The following DLGAP4 variants were observed in gnomAD, a reference collection of about 807,000 sequenced individuals.
DLGAP4 encodes the protein disks large-associated protein 4.
A neutral mutation model predicts 86.9 loss-of-function variants in DLGAP4; 18 were observed. The ratio of observed to expected loss-of-function variants is 0.21; its 90% CI spans 0.14 to 0.31. The LOEUF is 0.31. DLGAP4 is among the 10% of genes least tolerant of loss of function. The pLI is 1.00. For missense variants in DLGAP4, 1,085 were observed against 1,362.6 expected (o/e 0.80, Z 3.21); for synonymous variants, 548 against 574.3 (o/e 0.95, Z 0.65).
chr20:36,364,722 G>A lies in DLGAP4; in HGVS notation c.-303-2323G>A, dbSNP rs190917502. Among the ~76,000 whole-genome samples, 3 of 152,284 alleles carry A rather than the reference G, an allele frequency of 2.0e-5. No individual in the cohort carries two copies. The East Asian group carries it at 5.8e-4, about 29-fold the overall frequency. ...GCATCACATTTCAAAGTTCATCCAT[G>A]TTGGAAGCTGCAGAATCTTCAACAG... is the stretch of plus-strand genomic sequence containing the variant. On this transcript the variant is annotated intron_variant, in intron 1 of 12. Transcript: ENST00000339266.
intron 5 of DLGAP4, 93 bp from the exon 6 acceptor site, chr20:36,442,634 G>A: frequency 7.0e-7 from 1 of 1,432,244 alleles, no homozygotes. Flanking sequence ...GGTTAGACCA[G>A]CCAGCTTCAA....
chr20:36,391,158 A>G (rs989678375), intron 2 of DLGAP4, among the ~76,000 whole-genome samples: 5 of 152,170 alleles, frequency 3.3e-5, no homozygotes, highest in African/African-American at 9.6e-5. Flanking sequence ...TATCTCAGAG[A>G]CTGCCCCCGA....
intron 10 of DLGAP4, among the ~76,000 whole-genome samples, chr20:36,521,858 GCTGTTC>G (rs1180046524): frequency 6.6e-6 from 1 of 152,148 alleles, no homozygotes; most frequent in African/African-American, 2.4e-5. Flanking sequence ...TGTGCCATTT[GCTGTTC>G]CTGTAATATC....
chr20:36,325,570 T>C (rs1555890949), intron 1 of DLGAP4, among the ~76,000 whole-genome samples: 2 of 152,230 alleles, frequency 1.3e-5, no homozygotes, highest in Admixed American at 1.3e-4. Context: ...ATTGGAGATT[T>C]GCCTATTTCT....
chr20:36,467,072 C>CCA (rs1176953297), intron 7 of DLGAP4, among the ~76,000 whole-genome samples: 3 of 137,742 alleles, frequency 2.2e-5, no homozygotes, highest in Admixed American at 7.5e-5. Flanking sequence ...CTCCCCCCCC[C>CCA]TTCTCTCGGC....
chr20:36,494,995 T>G lies in DLGAP4; in HGVS notation c.1649-1710T>G, dbSNP rs908830297. ...TTTTTTTTTGTTCGGTTTTTTTTTT[T>G]TTTTTTTTTTTTTTGAGACGGAATT... On this transcript the variant is annotated intron_variant, in intron 7 of 12. Coordinates refer to ENST00000339266, the MANE Select transcript of DLGAP4 (RefSeq NM_001365621.2). 3.6e-5 allele frequency among the ~76,000 whole-genome samples: 5 copies of G among 139,882 alleles called. 1 individual carries two copies. Among genetic ancestry groups the G allele is most frequent in the South Asian group, 2.4e-4 (1 of 4,166 alleles). The allele number at this position is 139,882 out of a possible 152,430, so 91.8% of individuals were successfully genotyped here.
chr20:36,315,011 G>A lies in DLGAP4; in HGVS notation c.-304+8499G>A, dbSNP rs1351238460. Among the ~76,000 whole-genome samples the A allele has an allele frequency of 0.014, 64 of 4,608 alleles. 2 individuals are homozygous for A. In the South Asian group the frequency reaches 0.2, roughly 14 times the overall value. 3.0% of individuals were successfully genotyped at this position (4,608 alleles called of 152,430 possible). A position where few individuals can be genotyped will look rare whatever the true frequency, so the allele number is the denominator to read the frequency against. ...GTGTGTTATGTATGGTGTGTGTGGT[G>A]CGTGTGTGGTGGTGTGAGATGTGTG... On this transcript the variant is annotated intron_variant, in intron 1 of 12. Transcript: ENST00000339266.
At chr20:36,516,668 GAAAAAAAAAAA>G (rs747235286) in intron 10 of DLGAP4, among the ~76,000 whole-genome samples, 2 of 77,074 alleles carry the variant, frequency 2.6e-5, no homozygotes, top group Admixed American at 1.5e-4. Flanking sequence ...TCCGTCTCAG[GAAAAAAAAAAA>G]AAAAAAAAAA....
chr20:36,342,374 CAGTG>C (rs1219204558), intron 1 of DLGAP4, among the ~76,000 whole-genome samples: 2 of 152,234 alleles, frequency 1.3e-5, no homozygotes, highest in East Asian at 3.9e-4. Context: ...CAGGGTAGGC[CAGTG>C]AGTGTGTCTG....
chr20:36,517,853 C>G (rs1171002755), intron 10 of DLGAP4, among the ~76,000 whole-genome samples: 1 of 152,058 alleles, frequency 6.6e-6, no homozygotes, highest in East Asian at 1.9e-4. Flanking sequence ...TATCCTTGTC[C>G]TGTTGTAGTT....
intron 2 of DLGAP4, among the ~76,000 whole-genome samples, chr20:36,375,297 T>C (rs573647109): frequency 2.1e-4 from 32 of 152,358 alleles, no homozygotes; most frequent in African/African-American, 7.7e-4. Flanking sequence ...CTGATTCTCT[T>C]CTAAATCCTC....
intron 1 of DLGAP4, among the ~76,000 whole-genome samples, chr20:36,365,789 C>T (rs6072251): frequency 0.41 from 61,626 of 151,938 alleles, 12,659 homozygotes; most frequent in East Asian, 0.59. Context: ...GAAAGGTGAG[C>T]CTCCCCGACC....
At chr20:36,346,592 A>C (rs1387834211) in intron 1 of DLGAP4, among the ~76,000 whole-genome samples, 1 of 151,980 alleles carries the variant, frequency 6.6e-6, no homozygotes, top group African/African-American at 2.4e-5. Flanking sequence ...CTGGTAGATG[A>C]TATATTGGGA....
intron 8 of DLGAP4, chr20:36,499,350 T>TTCC: frequency 2.6e-6 from 4 of 1,544,916 alleles, no homozygotes; most frequent in Non-Finnish European, 1.8e-6. Flanking sequence ...CTCCACCCCA[T>TTCC]CCCACCTCCC....
intron 2 of DLGAP4, among the ~76,000 whole-genome samples, chr20:36,401,509 G>A (rs990087285): frequency 6.6e-6 from 1 of 152,226 alleles, no homozygotes; most frequent in Non-Finnish European, 1.5e-5. Flanking sequence ...TGCGGAATGG[G>A]TTTGCAACAT....
At chr20:36,407,469 G>A (rs745912749) in intron 2 of DLGAP4, among the ~76,000 whole-genome samples, 6 of 152,106 alleles carry the variant, frequency 3.9e-5, no homozygotes, top group Non-Finnish European at 7.3e-5. Flanking sequence ...ACTCAGAAAC[G>A]TCTTTGTCCT....
chr20:36,387,081 C>A (rs548454239), intron 2 of DLGAP4, among the ~76,000 whole-genome samples: 6 of 152,182 alleles, frequency 3.9e-5, no homozygotes, highest in Non-Finnish European at 8.8e-5. Flanking sequence ...GCAGGATTTT[C>A]TGTGTTAATA....
chr20:36,338,216 G>A (rs370099483), intron 1 of DLGAP4, among the ~76,000 whole-genome samples: 5 of 152,302 alleles, frequency 3.3e-5, no homozygotes, highest in East Asian at 1.9e-4. Flanking sequence ...ACTCACCCAC[G>A]AGTGCAAGGG....
intron 1 of DLGAP4, among the ~76,000 whole-genome samples, chr20:36,344,585 C>T (rs1278766618): frequency 6.6e-6 from 1 of 152,002 alleles, no homozygotes; most frequent in African/African-American, 2.4e-5. Context: ...AGAGCCCAGC[C>T]GACCATGGCT....
Sources: gnomAD v4.1 joint callset for allele counts (sites outside exome capture counted in the v4.1 genomes callset) on GRCh38, gnomAD v4.1.1 for gene constraint, MANE v1.5 for transcripts, NCBI Gene and HGNC (gene_info 2026-07-23, HGNC 2026-07-21) for gene names.